COL6A3: variants seen among roughly 807,000 people sequenced by gnomAD.
COL6A3 encodes collagen type VI alpha 3 chain, also known as collagen alpha-3(VI) chain.
COL6A3 carries 137 observed loss-of-function variants against 274.1 expected under a neutral mutation model. The ratio of observed to expected loss-of-function variants is 0.50; its 90% CI spans 0.44 to 0.58. The LOEUF (loss-of-function observed/expected upper bound fraction) is 0.58, where lower values mean the gene tolerates loss of function less well. COL6A3 is among the 20% of genes least tolerant of loss of function. COL6A3 has a pLI of 0.00. For synonymous variants in COL6A3, 1,650 were observed against 1,650.6 expected, an observed-to-expected ratio of 1.00 and a Z score of 0.01; for missense variants, 3,950 against 4,124.9, an observed-to-expected ratio of 0.96 and a Z score of 1.16.
At position 237,344,811 on chromosome 2, in the gene COL6A3, G is replaced by T. The variant is rs750485916; in HGVS notation, c.7207C>A (p.Leu2403Ile). ...PLECPVFPTELAFALDTSEGV... is the reference protein window; with the variant it reads ...PLECPVFPTEIAFALDTSEGV... Reference sequence around the variant, plus strand: ...TCAGAGGTGTCTAAAGCAAAGGCTAGTTCTGTTGGGAAGACGGGGCACTCC... The same window carrying T: ...TCAGAGGTGTCTAAAGCAAAGGCTATTTCTGTTGGGAAGACGGGGCACTCC... Residue 2403 changes from leucine (L) to isoleucine (I), a missense_variant, in exon 36 of 44, where the codon CTA becomes ATA. Leu to Ile is a conservative substitution (Grantham distance 5, BLOSUM62 2). Transcript: ENST00000295550. This position sits in a 1 kb window ranked among gnomAD's most constrained non-coding sequence, Gnocchi z 4.8. The T allele has an allele frequency of 6.2e-7, 1 of 1,612,138 alleles. No individual in the cohort carries two copies. Among genetic ancestry groups the T allele is most frequent in the Non-Finnish European group, 8.5e-7 (1 of 1,179,840 alleles).
In COL6A3 at chr2:237,364,409, T is replaced by G. The variant is rs138314062; in HGVS notation, c.5858A>C (p.Asp1953Ala). The change falls in exon 13 of 44, where the codon GAT (aspartate) becomes GCT (alanine). Residue 1953 changes from aspartate (D) to alanine (A), a missense_variant. Physicochemically the swap from Asp to Ala is moderately radical, Grantham distance 126. This residue lies in a region of COL6A3 where 632 missense variants were observed against 623.4 expected (regional missense o/e 1.01). Transcript: ENST00000295550. The surrounding 1 kb of genome is among the most constrained non-coding windows in gnomAD (Gnocchi z 4.6). ...ATCAGCCAGATCTCCGTCTGCTCCA[T>G]CAGTAAAATGAATGACCACCTGCAG... ...DSVKVVIHFT[D>A]GADGDLADLH... 2.5e-6 allele frequency: 4 copies of G among 1,613,814 alleles called. No homozygotes were observed. Among genetic ancestry groups the G allele is most frequent in the Non-Finnish European group, 3.4e-6 (4 of 1,179,900 alleles).
intron 19 of COL6A3, 42 bp from the exon 20 acceptor site, chr2:237,359,130 C>T: frequency 1.2e-6 from 2 of 1,613,810 alleles, no homozygotes; most frequent in Middle Eastern, 1.7e-4. Flanking sequence ...GCTGCAATTT[C>T]TATCACAGAC....
intron 1 of COL6A3, among the ~76,000 whole-genome samples, chr2:237,400,605 C>T (rs569414346): frequency 2.1e-4 from 31 of 150,868 alleles, no homozygotes; most frequent in African/African-American, 7.3e-4. Context: ...GGGGTTGAAT[C>T]GGTAATCAAA....
Position 237,341,163 on chromosome 2 carries a change from A to G in COL6A3, c.7766-13T>C, listed in dbSNP as rs2076980060. On this transcript the variant is annotated splice_polypyrimidine_tract_variant and intron_variant, in intron 37 of 43. Coordinates refer to ENST00000295550, the MANE Select transcript of COL6A3 (RefSeq NM_004369.4). ...ATGTTGCAGATGTCTAGAAAGAAGC[A>G]TGGCAGCCTATTTGTTCTGTGACAC... 6.2e-7 allele frequency: 1 copy of G among 1,612,396 alleles called. No individual in the cohort carries two copies. Among genetic ancestry groups the G allele is most frequent in the Middle Eastern group, 1.7e-4 (1 of 6,044 alleles).
At position 237,388,093 on chromosome 2, in the gene COL6A3, A is replaced by G; in HGVS notation, c.801T>C (p.Asn267=). Residue 267 remains asparagine (N), a synonymous_variant, in exon 4 of 44, where the codon AAT becomes AAC. Transcript: ENST00000295550. ...TTCCAATTGGGAGTTTCTCAAGGAG[A>G]TTTACAAGGAAGTCGAGAATGACTG... ...NFAVILDFLV[N]LLEKLPIGTQ... 6.2e-7 allele frequency: 1 copy of G among 1,614,206 alleles called. No individual in the cohort carries two copies. Among genetic ancestry groups the G allele is most frequent in the South Asian group, 1.1e-5 (1 of 91,088 alleles).
At chr2:237,409,522 GTTTTTGTTT>G (rs2078801904) in intron 1 of COL6A3, among the ~76,000 whole-genome samples, 1 of 150,104 alleles carries the variant, frequency 6.7e-6, no homozygotes, top group African/African-American at 2.5e-5. Context: ...AAAGGGTTAG[GTTTTTGTTT>G]TTTTTGTTTG....
At position 237,348,368 on chromosome 2, in the gene COL6A3, G is replaced by A. The variant is rs757439641; in HGVS notation, c.6947C>T (p.Pro2316Leu). 1.2e-6 allele frequency: 2 copies of A among 1,608,112 alleles called. No individual in the cohort carries two copies. The highest frequency in any genetic ancestry group is 1.7e-5 in the Admixed American group (1 of 60,016). Residue 2316 changes from proline to leucine, a missense_variant, in exon 30 of 44, where the codon CCT (proline) becomes CTT (leucine). Transcript: ENST00000295550. ...ATTTACCTTTGGTCCTGGGTATCCA[G>A]GGAATCCTCTTTCTCCCTATAAAGG... ...RRGKKGERGF[P>L]GYPGPKGNPG...
At chr2:237,331,674 ATTAAGT>A (rs1423736757) in intron 42 of COL6A3, among the ~76,000 whole-genome samples, 2 of 151,902 alleles carry the variant, frequency 1.3e-5, no homozygotes, top group Non-Finnish European at 2.9e-5. Context: ...CTATGAAGTC[ATTAAGT>A]TTAAGAGATC....
chr2:237,371,924 C>A lies in COL6A3; in HGVS notation c.4093G>T (p.Ala1365Ser). The change falls in exon 9 of 44, where the codon GCC becomes TCC. Residue 1365 changes from alanine to serine, a missense_variant. Transcript: ENST00000295550. The surrounding 1 kb of genome is among the most constrained non-coding windows in gnomAD (Gnocchi z 4.3). The part of the protein sequence containing the change: ...PAVELKQFGV[A>S]PFTIARNADQ... ...GCGTTCCTGGCGATCGTGAAAGGGG[C>A]CACGCCAAACTGCTTGAGCTCCACC... 5.6e-6 allele frequency: 9 copies of A among 1,614,008 alleles called. No homozygotes were observed. Among genetic ancestry groups the A allele is most frequent in the Non-Finnish European group, 7.6e-6 (9 of 1,180,030 alleles).
At position 237,334,779 on chromosome 2, in the gene COL6A3, A is replaced by T. The variant is rs1700446197; in HGVS notation, c.9076T>A (p.Ser3026Thr). Residue 3026 changes from serine (S) to threonine (T), a missense_variant, in exon 41 of 44, where the codon TCA becomes ACA. This residue lies in a region of COL6A3 where 1,284 missense variants were observed against 1,349.7 expected (regional missense o/e 0.95). Coordinates refer to ENST00000295550, the MANE Select transcript of COL6A3 (RefSeq NM_004369.4). ...GPYFYDLTVT[S>T]AHDQSLVLKQ... is the part of the protein sequence containing the mutation. ...AGAACCAGGGACTGATCATGGGCTG[A>T]GGTGACGGTGAGGTCATAAAAATAA... 1 of 1,614,022 alleles carries T rather than the reference A, an allele frequency of 6.2e-7. No homozygotes were observed. The highest frequency in any genetic ancestry group is 1.3e-5 in the African/African-American group (1 of 74,906).
intron 1 of COL6A3, among the ~76,000 whole-genome samples, chr2:237,399,353 C>A (rs1157232830): frequency 6.6e-6 from 1 of 152,200 alleles, no homozygotes; most frequent in Non-Finnish European, 1.5e-5. Context: ...TAACACAGAA[C>A]AATGATAGCC....
intron 1 of COL6A3, among the ~76,000 whole-genome samples, chr2:237,400,810 G>T (rs934368236): frequency 1.1e-4 from 16 of 152,138 alleles, no homozygotes; most frequent in Non-Finnish European, 1.5e-5. Flanking sequence ...TATCCCTGAT[G>T]AACACTGATG....
In COL6A3 at chr2:237,350,190, C is replaced by A; in HGVS notation, c.6836G>T (p.Gly2279Val). ...CCGGTTCCCGATTCCTCCTTTTGGT[C>A]CTGGCTCTCCGGGCTCACCCTAGAC... ...LGRKGEPGEP[G>V]PKGGIGNRGP... The change falls in exon 28 of 44, where the codon GGA becomes GTA. Residue 2279 changes from glycine to valine, a missense_variant. This residue lies in a region of COL6A3 where 1,284 missense variants were observed against 1,349.7 expected (regional missense o/e 0.95). Coordinates refer to ENST00000295550, the MANE Select transcript of COL6A3 (RefSeq NM_004369.4). 6.2e-7 allele frequency: 1 copy of A among 1,614,118 alleles called. No homozygotes were observed. Among genetic ancestry groups the A allele is most frequent in the Non-Finnish European group, 8.5e-7 (1 of 1,179,984 alleles).
In COL6A3 at chr2:237,363,152, C is replaced by T. The variant is rs1014708802; in HGVS notation, c.6063+101G>A. ...TTAACTATCTACCAAGGCCCCCCCC[C>T]CACCTCCATTCACCTGCTGATAATT... On this transcript the variant is annotated intron_variant, in intron 14 of 43. Transcript: ENST00000295550. 16 of 1,192,734 alleles carry T rather than the reference C, an allele frequency of 1.3e-5. 1 individual carries two copies. The highest frequency in any genetic ancestry group is 1.7e-5 in the Admixed American group (1 of 58,578). The allele number at this position is 1,192,734 out of a possible 1,614,324, so 73.9% of individuals were successfully genotyped here.
intron 3 of COL6A3, among the ~76,000 whole-genome samples, chr2:237,388,409 G>A (rs1018511182): frequency 1.3e-5 from 2 of 152,202 alleles, no homozygotes; most frequent in Non-Finnish European, 2.9e-5. Context: ...GACATTTATA[G>A]CAATTTTTCA....
chr2:237,383,269 A>C (rs1337436012), intron 4 of COL6A3, among the ~76,000 whole-genome samples: 1 of 152,240 alleles, frequency 6.6e-6, no homozygotes, highest in African/African-American at 2.4e-5. Flanking sequence ...GAAGGGTAAC[A>C]TGTTATGCAC....
rs1489000713 is a variant in COL6A3 at position 237,376,876 on chromosome 2, G to A, written c.2966C>T (p.Ser989Phe). ...DPAELEQIVLSPAFILAAESL... is the reference protein window; with the variant it reads ...DPAELEQIVLFPAFILAAESL... ...CTCTGCAGCCAGGATAAACGCTGGA[G>A]ACAGCACGATCTGCTCTAACTCAGC... The change falls in exon 7 of 44, where the codon TCT becomes TTT. Residue 989 changes from serine (S) to phenylalanine (F), a missense_variant. By Grantham distance (155) the Ser-to-Phe change is radical (BLOSUM62 -2). Transcript: ENST00000295550. 6.2e-7 allele frequency: 1 copy of A among 1,614,212 alleles called. No homozygotes were observed. Among genetic ancestry groups the A allele is most frequent in the Non-Finnish European group, 8.5e-7 (1 of 1,180,042 alleles).
At chr2:237,335,360 G>T (rs1700485066) in intron 40 of COL6A3, among the ~76,000 whole-genome samples, 1 of 152,066 alleles carries the variant, frequency 6.6e-6, no homozygotes, top group African/African-American at 2.4e-5. Flanking sequence ...GTGACATTCG[G>T]TAGTGTCTTC....
At chr2:237,381,897 T>C (rs796928230) in intron 4 of COL6A3, among the ~76,000 whole-genome samples, 5 of 152,298 alleles carry the variant, frequency 3.3e-5, no homozygotes, top group African/African-American at 1.2e-4. Flanking sequence ...AGAGAACCCT[T>C]TGCCTCACAG....
Sources: gnomAD v4.1 joint callset for allele counts (sites outside exome capture counted in the v4.1 genomes callset) on GRCh38, gnomAD v4.1.1 for gene constraint, gnomAD v4.1.1 regional missense constraint, Gnocchi (gnomAD v3.1) non-coding constraint, MANE v1.5 for transcripts, NCBI Gene and HGNC (gene_info 2026-07-23, HGNC 2026-07-21) for gene names.